MTMR14: variants seen among roughly 807,000 people sequenced by gnomAD.
The protein encoded by MTMR14 is phosphatidylinositol-3,5-bisphosphate 3-phosphatase MTMR14.
Under a neutral mutation model 86.3 loss-of-function variants are expected in MTMR14, and 48 were observed. The observed-to-expected ratio is 0.56, with a 90% CI of 0.44 to 0.71. The LOEUF is 0.71. Among genes scored for constraint, MTMR14 ranks in the 30% least tolerant of loss-of-function variants. The pLI is 0.00. For synonymous variants in MTMR14, 366 were observed against 326.1 expected, an observed-to-expected ratio of 1.12 and a Z score of -1.32; for missense variants, 780 against 834.6, an observed-to-expected ratio of 0.93 and a Z score of 0.81.
At chr3:9,679,910 G>C (rs1188278186) in intron 9 of MTMR14, among the ~76,000 whole-genome samples, 1 of 152,206 alleles carries the variant, frequency 6.6e-6, no homozygotes, top group Non-Finnish European at 1.5e-5. Flanking sequence ...CTTCAGTGTT[G>C]CTCAACCTGT....
At chr3:9,660,844 C>T (rs1574949227) in intron 2 of MTMR14, among the ~76,000 whole-genome samples, 1 of 152,282 alleles carries the variant, frequency 6.6e-6, no homozygotes, top group East Asian at 1.9e-4. Context: ...TACTTGGTTA[C>T]TCTGTGTAGC....
chr3:9,668,927 C>T, intron 4 of MTMR14, 133 bp downstream of exon 4: 1 of 919,042 alleles, frequency 1.1e-6, no homozygotes. Context: ...ATCCCGAGGT[C>T]AGGAGTTCGA....
chr3:9,672,543 C>T, intron 6 of MTMR14, 142 bp from the exon 7 acceptor site: 1 of 752,490 alleles, frequency 1.3e-6, no homozygotes, highest in African/African-American at 1.7e-5. Context: ...ACAAAGTAGG[C>T]ACTGCTGAAG....
At chr3:9,655,712 C>T (rs1277843282) in intron 2 of MTMR14, among the ~76,000 whole-genome samples, 6 of 151,520 alleles carry the variant, frequency 4.0e-5, no homozygotes, top group South Asian at 4.2e-4. Flanking sequence ...CCAGCCGCCT[C>T]GGCCTCCCTA....
In MTMR14 at chr3:9,697,844, G is replaced by T. The variant is rs768617254; in HGVS notation, c.1747G>T (p.Asp583Tyr). The T allele has an allele frequency of 1.1e-5, 18 of 1,614,074 alleles. No homozygotes were observed. The highest frequency in any genetic ancestry group is 1.4e-5 in the Non-Finnish European group (16 of 1,180,046). ...TDSSLPFSFP[D>Y]ELPNSCLLAA... The stretch of plus-strand genomic sequence containing the variant: ...CTCCTCTCTCCCTTTCAGCTTCCCG[G>T]ATGAGCTCCCTAACAGTTGTCTGTA... The change falls in exon 18 of 19, where the codon GAT (aspartate) becomes TAT (tyrosine). Residue 583 changes from aspartate to tyrosine, a missense_variant. Physicochemically the swap from Asp to Tyr is radical, Grantham distance 160. Transcript: ENST00000296003.
At chr3:9,670,715 A>G (rs1368847944) in intron 5 of MTMR14, among the ~76,000 whole-genome samples, 3 of 152,226 alleles carry the variant, frequency 2.0e-5, no homozygotes, top group East Asian at 1.9e-4. Flanking sequence ...GAAAGATTCT[A>G]TCAGCCACCA....
chr3:9,700,456 G>A (rs1315057542), intron 18 of MTMR14: 4 of 152,164 alleles, frequency 2.6e-5, no homozygotes, highest in African/African-American at 9.7e-5. Flanking sequence ...AGGCCCTTGG[G>A]GATGTCACAC....
intron 2 of MTMR14, 42 bp downstream of exon 2, chr3:9,653,811 G>C (rs141641998): frequency 1.9e-5 from 31 of 1,613,424 alleles, no homozygotes; most frequent in African/African-American, 1.7e-4. Context: ...TGGGGAGTCC[G>C]TGGCAGCTAA....
chr3:9,661,725 CT>C (rs533438340), intron 2 of MTMR14, among the ~76,000 whole-genome samples: 1,539 of 150,992 alleles, frequency 0.01, 13 homozygotes, highest in Non-Finnish European at 0.018. Context: ...GTTTAGCTCA[CT>C]TTTTTTTTAT....
At chr3:9,650,561 A>G (rs1349576579) in intron 1 of MTMR14, 4 of 332,942 alleles carry the variant, frequency 1.2e-5, no homozygotes, top group Admixed American at 7.5e-5. Context: ...GGCATCTTGT[A>G]GTCTCTGAAG....
intron 2 of MTMR14, among the ~76,000 whole-genome samples, chr3:9,661,566 GC>G (rs1252007351): frequency 1.3e-5 from 2 of 152,056 alleles, no homozygotes; most frequent in African/African-American, 2.4e-5. Flanking sequence ...TCAGAGTTAT[GC>G]AAAAAATAGA....
intron 2 of MTMR14, 123 bp downstream of exon 2, chr3:9,653,892 AT>A: frequency 2.2e-6 from 3 of 1,349,982 alleles, no homozygotes; most frequent in Non-Finnish European, 3.2e-6. Flanking sequence ...CCTTATTGGC[AT>A]TTTTATTTAC....
intron 17 of MTMR14, among the ~76,000 whole-genome samples, chr3:9,693,209 T>C (rs1046392978): frequency 6.6e-6 from 1 of 152,188 alleles, no homozygotes; most frequent in African/African-American, 2.4e-5. Context: ...GCCAACCAGA[T>C]TGAAAACATT....
chr3:9,663,680 A>AT (rs1359318801), intron 3 of MTMR14, among the ~76,000 whole-genome samples: 1 of 148,390 alleles, frequency 6.7e-6, no homozygotes, highest in Non-Finnish European at 1.5e-5. Context: ...CGCCCGGCTA[A>AT]TTTTTTGCAT....
At chr3:9,687,951 TG>T in intron 14 of MTMR14, 60 bp downstream of exon 14, 1 of 1,422,424 alleles carries the variant, frequency 7.0e-7, no homozygotes. Flanking sequence ...GGCTGCTCCC[TG>T]GGAGGCAAGA....
At position 9,653,620 on chromosome 3, in the gene MTMR14, G is replaced by C; in HGVS notation, c.160-1G>C. On this transcript the variant is annotated splice_acceptor_variant, in intron 1 of 18. Coordinates refer to ENST00000296003, the MANE Select transcript of MTMR14 (RefSeq NM_001077525.3). LOFTEE classifies it high-confidence loss of function. ...GTGTTCTGGTCTCCTTCTCTGTGCA[G>C]GTTGAGCGCATTGAGAAGAGATGTC... The C allele has an allele frequency of 6.2e-7, 1 of 1,614,134 alleles. No individual in the cohort carries two copies. Among genetic ancestry groups the C allele is most frequent in the Non-Finnish European group, 8.5e-7 (1 of 1,180,028 alleles).
At chr3:9,659,532 C>T in intron 2 of MTMR14, 1 of 356,656 alleles carries the variant, frequency 2.8e-6, no homozygotes, top group South Asian at 2.1e-5. Flanking sequence ...CAACCTCCGC[C>T]TCCTGGGTTC....
In MTMR14 at chr3:9,701,721, A is replaced by C. The variant is rs1234085826; in HGVS notation, c.1770-69A>C. 3 of 1,533,540 alleles carry C rather than the reference A, an allele frequency of 2.0e-6. No individual in the cohort carries two copies. In the Admixed American group the frequency reaches 5.0e-5, roughly 26 times the overall value. 95.0% of individuals were successfully genotyped at this position (1,533,540 alleles called of 1,614,324 possible). ...GCACAAGGACAGGTGGTATGGAGGGAGGGAGGATGAGGATACTGGGTCCTG... is the reference window on the plus strand; with the variant it reads ...GCACAAGGACAGGTGGTATGGAGGGCGGGAGGATGAGGATACTGGGTCCTG... On this transcript the variant is annotated intron_variant, in intron 18 of 18. Coordinates refer to ENST00000296003, the MANE Select transcript of MTMR14 (RefSeq NM_001077525.3). This position sits in a 1 kb window ranked among gnomAD's most constrained non-coding sequence, Gnocchi z 4.2.
intron 3 of MTMR14, among the ~76,000 whole-genome samples, chr3:9,666,970 T>C (rs1199752135): frequency 1.3e-5 from 2 of 152,236 alleles, no homozygotes; most frequent in South Asian, 2.1e-4. Flanking sequence ...GGTTCCCCAC[T>C]TGGGGACTTG....
Sources: allele counts gnomAD v4.1 joint callset (sites outside exome capture counted in the v4.1 genomes callset), GRCh38; gene constraint gnomAD v4.1.1; non-coding constraint Gnocchi (gnomAD v3.1); transcripts MANE v1.5; gene names NCBI Gene and HGNC (gene_info 2026-07-23, HGNC 2026-07-21).